Variants in EVA1C observed in about 807,000 individuals in gnomAD.
EVA1C encodes the protein eva-1 homolog C.
A neutral mutation model predicts 45.4 loss-of-function variants in EVA1C; 25 were observed. The ratio of observed to expected loss-of-function variants is 0.55; its 90% confidence interval spans 0.40 to 0.77. The LOEUF (loss-of-function observed/expected upper bound fraction) is 0.77, where lower values mean the gene tolerates loss of function less well. EVA1C is among the 30% of genes least tolerant of loss of function. EVA1C has a pLI of 0.00. For synonymous variants in EVA1C, 190 were observed against 221.2 expected (o/e 0.86, Z 1.25); for missense variants, 479 against 554.8 (o/e 0.86, Z 1.37).
intron 1 of EVA1C, among the ~76,000 whole-genome samples, chr21:32,431,123 C>G (rs967227420): frequency 1.2e-4 from 18 of 152,332 alleles, no homozygotes; most frequent in African/African-American, 4.3e-4. Flanking sequence ...GGTGGGGACA[C>G]AGCCACACCA....
chr21:32,419,809 TG>T (rs1284481295), intron 1 of EVA1C, among the ~76,000 whole-genome samples: 5 of 132,436 alleles, frequency 3.8e-5, no homozygotes, highest in African/African-American at 1.4e-4. Context: ...GGAGCGGGGG[TG>T]GGGGCTGGGG....
At chr21:32,455,184 T>C (rs758768278) in intron 2 of EVA1C, among the ~76,000 whole-genome samples, 1 of 151,972 alleles carries the variant, frequency 6.6e-6, no homozygotes, top group Non-Finnish European at 1.5e-5. Flanking sequence ...CACTACATCC[T>C]CTAGGGGGTT....
intron 4 of EVA1C, among the ~76,000 whole-genome samples, chr21:32,490,326 T>C (rs923157898): frequency 6.6e-6 from 1 of 152,134 alleles, no homozygotes; most frequent in Non-Finnish European, 1.5e-5. Flanking sequence ...AATCACACAG[T>C]ATTTGTCTTT....
chr21:32,413,856 A>G (rs2146084759), intron 1 of EVA1C, among the ~76,000 whole-genome samples: 1 of 152,334 alleles, frequency 6.6e-6, no homozygotes, highest in South Asian at 2.1e-4. Flanking sequence ...GGAGGCCTTC[A>G]GCCTTCCCCA....
rs757928232 is a variant in EVA1C, at chr21:32,501,450, A to T, written c.814A>T (p.Ile272Phe). Reference sequence around the variant, plus strand: ...CATACTCACAGCGATTGATCCAGCCATTGCTAATCTAAAACCTTCTTTGAA... The same window carrying T: ...CATACTCACAGCGATTGATCCAGCCTTTGCTAATCTAAAACCTTCTTTGAA... ...KNILTAIDPA[I>F]ANLKPSLKQK... Residue 272 changes from isoleucine (I) to phenylalanine (F), a missense_variant, in exon 6 of 8, where the codon ATT becomes TTT. By Grantham distance (21) the Ile-to-Phe change is conservative. Transcript: ENST00000300255. The T allele has an allele frequency of 4.4e-6, 7 of 1,595,108 alleles. No homozygotes were observed. In the Admixed American group the frequency reaches 1.2e-4, roughly 27 times the overall value.
chr21:32,507,555 C>CATGT (rs56080845), intron 7 of EVA1C, among the ~76,000 whole-genome samples: 71,442 of 147,912 alleles, frequency 0.48, 18,884 homozygotes, highest in African/African-American at 0.71. Flanking sequence ...TGTATGTATG[C>CATGT]GTGTTTTTGT....
chr21:32,414,495 G>T (rs948603439), intron 1 of EVA1C, among the ~76,000 whole-genome samples: 1 of 152,170 alleles, frequency 6.6e-6, no homozygotes, highest in Non-Finnish European at 1.5e-5. Context: ...TAGGCAAATT[G>T]CAGTGTAACC....
chr21:32,469,907 C>CA (rs1016877032), intron 4 of EVA1C, among the ~76,000 whole-genome samples: 1 of 152,170 alleles, frequency 6.6e-6, no homozygotes, highest in African/African-American at 2.4e-5. Flanking sequence ...AACACTTTCA[C>CA]AGCAACATCT....
intron 7 of EVA1C, 25 bp from the exon 8 acceptor site, chr21:32,514,789 C>T (rs781479169): frequency 1.3e-6 from 2 of 1,516,348 alleles, no homozygotes; most frequent in Non-Finnish European, 1.8e-6. Context: ...CTCCCAGCTC[C>T]TGACATGTTC....
At chr21:32,501,984 T>TTTTCTTTCTTTCTTTCTTTC (rs563785580) in intron 6 of EVA1C, among the ~76,000 whole-genome samples, 1 of 120,438 alleles carries the variant, frequency 8.3e-6, no homozygotes, top group Non-Finnish European at 1.7e-5. Context: ...TCTCTCGCTC[T>TTTTCTTTCTTTCTTTCTTTC]TTTCTTTCTT....
At chr21:32,478,121 T>G (rs905256620) in intron 4 of EVA1C, among the ~76,000 whole-genome samples, 1 of 150,714 alleles carries the variant, frequency 6.6e-6, no homozygotes, top group African/African-American at 2.4e-5. Context: ...AGCTAACTTA[T>G]GTCCTCCCCA....
In EVA1C at chr21:32,455,875, TC is replaced by T. The variant is rs1198656156; in HGVS notation, c.358-1720del. ...ACTCTTTCAACCAGAGGTCAAGAAGTCCTTTACTTTTGTGTCTTTTTTGTTT... is the reference window on the plus strand; with the variant it reads ...ACTCTTTCAACCAGAGGTCAAGAAGTCTTTACTTTTGTGTCTTTTTTGTTT... On this transcript the variant is annotated intron_variant, in intron 2 of 7. Coordinates refer to ENST00000300255, the MANE Select transcript of EVA1C (RefSeq NM_058187.5). 2.6e-5 allele frequency among the ~76,000 whole-genome samples: 4 copies of T among 152,002 alleles called. No individual in the cohort carries two copies. In the East Asian group the frequency reaches 7.7e-4, roughly 29 times the overall value.
chr21:32,489,795 T>C (rs2037093953), intron 4 of EVA1C, among the ~76,000 whole-genome samples: 1 of 152,188 alleles, frequency 6.6e-6, no homozygotes, highest in Non-Finnish European at 1.5e-5. Context: ...TGTGTAGATT[T>C]CTGTGTGCAG....
chr21:32,508,962 T>G (rs947392717), intron 7 of EVA1C, among the ~76,000 whole-genome samples: 1 of 152,192 alleles, frequency 6.6e-6, no homozygotes, highest in African/African-American at 2.4e-5. Flanking sequence ...AGAAACACAG[T>G]GTGAAGATTC....
chr21:32,507,749 TATGTGTTTGC>T lies in EVA1C; in HGVS notation c.949+3735_949+3744del, dbSNP rs1681183062. ...GTGCATACGTGTATCTGCATGTGCA[TATGTGTTTGC>T]GTGTGTGTGCATGTATGTGTATCTC... On this transcript the variant is annotated intron_variant, in intron 7 of 7. Transcript: ENST00000300255. Among the ~76,000 whole-genome samples the T allele has an allele frequency of 2.7e-5, 3 of 111,248 alleles. No individual in the cohort carries two copies. In the South Asian group the frequency reaches 8.6e-4, roughly 32 times the overall value. The allele number at this position is 111,248 out of a possible 152,430, so 73.0% of individuals were successfully genotyped here.
intron 7 of EVA1C, among the ~76,000 whole-genome samples, chr21:32,507,458 G>A (rs1347842279): frequency 9.9e-5 from 15 of 151,594 alleles, no homozygotes; most frequent in Admixed American, 3.3e-4. Context: ...ATGCGTGTGC[G>A]TGTGTGCATG....
chr21:32,498,337 T>G (rs1430652682), intron 5 of EVA1C, among the ~76,000 whole-genome samples: 1 of 151,788 alleles, frequency 6.6e-6, no homozygotes, highest in African/African-American at 2.4e-5. Flanking sequence ...TCCCAGCTAC[T>G]TGGGAGGCTG....
intron 1 of EVA1C, among the ~76,000 whole-genome samples, chr21:32,432,280 T>C (rs2034734848): frequency 6.6e-6 from 1 of 152,178 alleles, no homozygotes; most frequent in Admixed American, 6.6e-5. Flanking sequence ...CGCAGGTTCA[T>C]TGCTTTATAT....
chr21:32,468,850 C>T (rs1216333227), intron 4 of EVA1C, among the ~76,000 whole-genome samples: 4 of 152,160 alleles, frequency 2.6e-5, no homozygotes, highest in Non-Finnish European at 5.9e-5. Context: ...ACTTTGTATC[C>T]TTCAATCCAA....
Sources: gnomAD v4.1 joint callset for allele counts (sites outside exome capture counted in the v4.1 genomes callset) on GRCh38, gnomAD v4.1.1 for gene constraint, MANE v1.5 for transcripts, NCBI Gene and HGNC (gene_info 2026-07-23, HGNC 2026-07-21) for gene names.